The following GAREM1 variants were observed in gnomAD, a reference collection of about 807,000 sequenced individuals.
The protein encoded by GAREM1 is GRB2 associated regulator of MAPK1 subtype 1.
A neutral mutation model predicts 71.3 loss-of-function variants in GAREM1; 26 were observed. That is an observed-to-expected ratio of 0.36 (90% CI 0.27 to 0.51). The LOEUF is 0.51. GAREM1 is among the 20% of genes least tolerant of loss of function. The probability of loss-of-function intolerance (pLI) is 0.95; values close to 1 mark genes in which losing one functional copy is unlikely to be tolerated. For missense variants in GAREM1, 1,026 were observed against 1,103.1 expected, an observed-to-expected ratio of 0.93 and a Z score of 0.99; for synonymous variants, 440 against 433.2, an observed-to-expected ratio of 1.02 and a Z score of -0.20.
At chr18:32,411,591 C>A (rs1445869068) in intron 1 of GAREM1, among the ~76,000 whole-genome samples, 2 of 151,794 alleles carry the variant, frequency 1.3e-5, no homozygotes, top group Non-Finnish European at 2.9e-5. Flanking sequence ...TATCTGGTAC[C>A]ATTATTCAAT....
At chr18:32,468,329 T>C (rs929424866) in intron 1 of GAREM1, among the ~76,000 whole-genome samples, 1 of 152,240 alleles carries the variant, frequency 6.6e-6, no homozygotes, top group African/African-American at 2.4e-5. Flanking sequence ...TTGGCAGCTA[T>C]TAAAAATCAT....
intron 1 of GAREM1, among the ~76,000 whole-genome samples, chr18:32,419,080 T>C (rs1240484112): frequency 6.6e-6 from 1 of 152,220 alleles, no homozygotes. Flanking sequence ...GAAGTCCCTG[T>C]CCTTTTGCTG....
At chr18:32,451,368 C>G (rs186621251) in intron 1 of GAREM1, among the ~76,000 whole-genome samples, 12 of 152,082 alleles carry the variant, frequency 7.9e-5, no homozygotes, top group Admixed American at 3.9e-4. Flanking sequence ...ACAATAAACC[C>G]TTGCTGTTTT....
intron 1 of GAREM1, chr18:32,412,381 A>T: frequency 1.9e-6 from 3 of 1,588,682 alleles, no homozygotes; most frequent in Non-Finnish European, 2.6e-6. Context: ...TGATTGTTGT[A>T]ATTGCCAAAA....
chr18:32,337,720 A>G (rs1397561233), intron 2 of GAREM1, among the ~76,000 whole-genome samples: 1 of 152,126 alleles, frequency 6.6e-6, no homozygotes, highest in East Asian at 1.9e-4. Context: ...GGTGTTTCCA[A>G]TGGCTATAGG....
Position 32,274,717 on chromosome 18 carries a change from T to C in GAREM1, c.1567-4334A>G, listed in dbSNP as rs73956852. Among the ~76,000 whole-genome samples, 756 of 152,208 alleles carry C rather than the reference T, an allele frequency of 5.0e-3. 3 individuals carry two copies. The highest frequency in any genetic ancestry group is 0.014 in the Middle Eastern group (4 of 294). ...TTTCCTGCCCCTTTCTCTGGTTTAG[T>C]TTTTACTGCCCACCACACCTAAACA... On this transcript the variant is annotated intron_variant, in intron 4 of 5. Coordinates refer to ENST00000269209, the MANE Select transcript of GAREM1 (RefSeq NM_001242409.2).
intron 3 of GAREM1, among the ~76,000 whole-genome samples, chr18:32,296,263 CT>C (rs1265942633): frequency 5.9e-5 from 9 of 152,076 alleles, no homozygotes; most frequent in African/African-American, 2.2e-4. Context: ...GCCCAGGTAG[CT>C]TTTTATTTGG....
At chr18:32,364,020 A>ATGTTTTTTTTTTTT (rs1333086760) in intron 2 of GAREM1, among the ~76,000 whole-genome samples, 1 of 49,544 alleles carries the variant, frequency 2.0e-5, no homozygotes, top group Non-Finnish European at 3.4e-5. Flanking sequence ...ATATATATAT[A>ATGTTTTTTTTTTTT]TATATATGTT....
At chr18:32,299,207 C>G (rs1469260542) in intron 3 of GAREM1, among the ~76,000 whole-genome samples, 2 of 151,952 alleles carry the variant, frequency 1.3e-5, no homozygotes, top group Admixed American at 6.6e-5. Context: ...TTAAAAAAAA[C>G]TGGAAAATAA....
At chr18:32,384,050 T>G (rs2048121446) in intron 2 of GAREM1, among the ~76,000 whole-genome samples, 1 of 152,302 alleles carries the variant, frequency 6.6e-6, no homozygotes, top group South Asian at 2.1e-4. Flanking sequence ...GCTCTTATTT[T>G]AAGAAAATAA....
At chr18:32,319,644 T>C (rs1047161307) in intron 2 of GAREM1, among the ~76,000 whole-genome samples, 1 of 152,168 alleles carries the variant, frequency 6.6e-6, no homozygotes, top group African/African-American at 2.4e-5. Flanking sequence ...ATAGTACTAC[T>C]AGAGGGTGTA....
intron 1 of GAREM1, among the ~76,000 whole-genome samples, chr18:32,442,656 A>G (rs2048749746): frequency 6.6e-6 from 1 of 152,182 alleles, no homozygotes. Flanking sequence ...TTCAGCACTT[A>G]CAGCATATGG....
chr18:32,363,903 T>TACACACAC (rs151234771), intron 2 of GAREM1, among the ~76,000 whole-genome samples: 6,425 of 142,830 alleles, frequency 0.045, 473 homozygotes, highest in African/African-American at 0.15. Context: ...GTCAAGGTTA[T>TACACACAC]ACACACACAC....
chr18:32,375,646 TG>T (rs2144632759), intron 2 of GAREM1, among the ~76,000 whole-genome samples: 1 of 152,250 alleles, frequency 6.6e-6, no homozygotes, highest in South Asian at 2.1e-4. Context: ...GCAGCCAAAG[TG>T]GAAATCATTT....
chr18:32,462,961 G>A (rs1389085349), intron 1 of GAREM1, among the ~76,000 whole-genome samples: 1 of 152,056 alleles, frequency 6.6e-6, no homozygotes, highest in Admixed American at 6.6e-5. Context: ...TGGCCATTGG[G>A]TACAATGTTA....
At chr18:32,308,008 C>T (rs1454295662) in intron 3 of GAREM1, among the ~76,000 whole-genome samples, 3 of 152,134 alleles carry the variant, frequency 2.0e-5, no homozygotes, top group Non-Finnish European at 4.4e-5. Flanking sequence ...CTATAACAAT[C>T]CTTCTTTGAA....
intron 2 of GAREM1, among the ~76,000 whole-genome samples, chr18:32,328,720 T>A (rs2047496913): frequency 6.6e-6 from 1 of 152,106 alleles, no homozygotes; most frequent in Non-Finnish European, 1.5e-5. Flanking sequence ...GCTCATTATA[T>A]GGAGAAAAAC....
In GAREM1 at chr18:32,268,670, G is replaced by A. The variant is rs140158232; in HGVS notation, c.1832C>T (p.Pro611Leu). ...VKTDSVDLKS[P>L]FGSPSAEAVS... Reference sequence around the variant, plus strand: ...AGCTTCAGCAGAAGGACTTCCAAACGGGGATTTCAGGTCCACAGAATCAGT... The same window carrying A: ...AGCTTCAGCAGAAGGACTTCCAAACAGGGATTTCAGGTCCACAGAATCAGT... The change falls in exon 6 of 6, where the codon CCG (proline) becomes CTG (leucine). Residue 611 changes from proline to leucine, a missense_variant. Coordinates refer to ENST00000269209, the MANE Select transcript of GAREM1 (RefSeq NM_001242409.2). 95 of 1,614,016 alleles carry A rather than the reference G, an allele frequency of 5.9e-5. No individual in the cohort carries two copies. The highest frequency in any genetic ancestry group is 1.7e-4 in the Admixed American group (10 of 60,000).
At chr18:32,364,008 ATATATATATATATATATATGTTTTTTT>A (rs1490614832) in intron 2 of GAREM1, among the ~76,000 whole-genome samples, 1 of 43,890 alleles carries the variant, frequency 2.3e-5, no homozygotes, top group African/African-American at 1.4e-4. Flanking sequence ...ATATATATAT[ATATATATATATATATATATGTTTTTTT>A]TTTTTTTTTT....
Sources: allele counts gnomAD v4.1 joint callset (sites outside exome capture counted in the v4.1 genomes callset), GRCh38; gene constraint gnomAD v4.1.1; transcripts MANE v1.5; gene names NCBI Gene and HGNC (gene_info 2026-07-23, HGNC 2026-07-21).